FRMPD2: variants seen among roughly 807,000 people sequenced by gnomAD.
The protein encoded by FRMPD2 is FERM and PDZ domain-containing protein 2.
FRMPD2 carries 96 observed loss-of-function variants against 140.1 expected under a neutral mutation model. The ratio of observed to expected loss-of-function variants is 0.69; its 90% CI spans 0.58 to 0.81. The LOEUF is 0.81. Among genes scored for constraint, FRMPD2 ranks in the 40% least tolerant of loss-of-function variants. The pLI is 0.00. For synonymous variants in FRMPD2, 449 were observed against 547.6 expected, an observed-to-expected ratio of 0.82 and a Z score of 2.52; for missense variants, 1,240 against 1,447.4, an observed-to-expected ratio of 0.86 and a Z score of 2.32.
chr10:48,242,039 A>T, intron 5 of FRMPD2, 122 bp downstream of exon 5: 1 of 690,738 alleles, frequency 1.4e-6, no homozygotes, highest in South Asian at 2.7e-5. Context: ...GAAATGTGAC[A>T]GATGTGACTG....
chr10:48,184,987 G>A lies in FRMPD2; in HGVS notation c.2360-106C>T, dbSNP rs868632670. The A allele has an allele frequency of 1.5e-5, 11 of 738,686 alleles. No homozygotes were observed. In the Middle Eastern group the frequency reaches 2.0e-3, roughly 135 times the overall value. The allele number at this position is 738,686 out of a possible 1,614,324, so 45.8% of individuals were successfully genotyped here. On this transcript the variant is annotated intron_variant, in intron 18 of 28. Coordinates refer to ENST00000374201, the MANE Select transcript of FRMPD2 (RefSeq NM_001018071.4). ...ATCACACAGCTACCAAGTGGCATTA[G>A]CTGATAGTTACAGTCAGGTCTTCTG...
chr10:48,160,875 AG>A (rs1837919307), intron 28 of FRMPD2, among the ~76,000 whole-genome samples: 1 of 149,138 alleles, frequency 6.7e-6, no homozygotes, highest in African/African-American at 2.5e-5. Flanking sequence ...TTCTTCCTGT[AG>A]GGGGCAGCCA....
intron 23 of FRMPD2, among the ~76,000 whole-genome samples, 199 bp downstream of exon 23, chr10:48,175,647 C>T (rs1222044754): frequency 1.2e-4 from 18 of 151,946 alleles, no homozygotes; most frequent in Admixed American, 7.2e-4. Context: ...CCACTGCAGA[C>T]CCCCCAACCT....
chr10:48,239,733 G>A (rs758205269), intron 6 of FRMPD2, 41 bp from the exon 7 acceptor site: 2 of 1,468,966 alleles, frequency 1.4e-6, no homozygotes, highest in Non-Finnish European at 1.9e-6. Flanking sequence ...CAGAAGCCAA[G>A]ATCACGGCTT....
chr10:48,214,792 C>A (rs1347788395), intron 12 of FRMPD2, among the ~76,000 whole-genome samples: 1 of 152,156 alleles, frequency 6.6e-6, no homozygotes. Flanking sequence ...TTATCACTTA[C>A]ATGGTGCTAC....
In FRMPD2 at chr10:48,192,614, C is replaced by T. The variant is rs1838854664; in HGVS notation, c.2165+70G>A. On this transcript the variant is annotated intron_variant, in intron 16 of 28. Coordinates refer to ENST00000374201, the MANE Select transcript of FRMPD2 (RefSeq NM_001018071.4). ...TCAAAAAAAAAATAAAATAAATCTT[C>T]AGTACAGATCACTGCAAACCATCAA... 5.3e-6 allele frequency: 7 copies of T among 1,328,434 alleles called. 1 individual carries two copies. The highest frequency in any genetic ancestry group is 4.8e-5 in the South Asian group (4 of 83,870). 82.3% of individuals were successfully genotyped at this position (1,328,434 alleles called of 1,614,324 possible).
chr10:48,268,137 A>G (rs566274590), intron 1 of FRMPD2, among the ~76,000 whole-genome samples: 1 of 152,328 alleles, frequency 6.6e-6, no homozygotes, highest in African/African-American at 2.4e-5. Flanking sequence ...CAAGATGTTC[A>G]ACATCACTGG....
intron 3 of FRMPD2, 72 bp downstream of exon 3, chr10:48,248,949 G>T: frequency 1.4e-6 from 2 of 1,386,060 alleles, no homozygotes; most frequent in Non-Finnish European, 2.0e-6. Context: ...TGGGAGCTGG[G>T]GAGGCTGCCG....
intron 4 of FRMPD2, among the ~76,000 whole-genome samples, chr10:48,242,879 G>A (rs1840157901): frequency 1.3e-5 from 2 of 152,206 alleles, no homozygotes; most frequent in African/African-American, 4.8e-5. Context: ...TTTATGTCAC[G>A]TGTACACATC....
intron 10 of FRMPD2, among the ~76,000 whole-genome samples, chr10:48,224,536 C>T (rs1006952644): frequency 6.6e-6 from 1 of 152,226 alleles, no homozygotes; most frequent in African/African-American, 2.4e-5. Flanking sequence ...TGCCTCTGCC[C>T]TTACTGCTGA....
At chr10:48,194,771 G>T (rs377012486) in intron 15 of FRMPD2, among the ~76,000 whole-genome samples, 1 of 152,200 alleles carries the variant, frequency 6.6e-6, no homozygotes, top group Admixed American at 6.5e-5. Flanking sequence ...TCAGCCTACA[G>T]CTGTGGGCTG....
intron 16 of FRMPD2, among the ~76,000 whole-genome samples, chr10:48,190,427 T>G (rs567083733): frequency 6.6e-6 from 1 of 152,224 alleles, no homozygotes; most frequent in Non-Finnish European, 1.5e-5. Flanking sequence ...AGGAGGCCTC[T>G]GCACACCTCT....
At position 48,208,197 on chromosome 10, in the gene FRMPD2, C is replaced by T. The variant is rs540496868; in HGVS notation, c.1612-1264G>A. ...GGGCCACCACAAGATAATAGGCAGACGCTTTTAAAGAATTTGGTGTGATAT... is the reference window on the plus strand; with the variant it reads ...GGGCCACCACAAGATAATAGGCAGATGCTTTTAAAGAATTTGGTGTGATAT... On this transcript the variant is annotated intron_variant, in intron 13 of 28. Coordinates refer to ENST00000374201, the MANE Select transcript of FRMPD2 (RefSeq NM_001018071.4). Among the ~76,000 whole-genome samples, 25 of 152,206 alleles carry T rather than the reference C, an allele frequency of 1.6e-4. No individual in the cohort carries two copies. The South Asian group carries it at 1.7e-3, about 10-fold the overall frequency.
chr10:48,250,198 G>A (rs1368045692), intron 2 of FRMPD2, among the ~76,000 whole-genome samples: 1 of 152,046 alleles, frequency 6.6e-6, no homozygotes, highest in Non-Finnish European at 1.5e-5. Context: ...CTCCCTACCT[G>A]GCCACCGGTG....
chr10:48,249,288 T>G, intron 2 of FRMPD2, 110 bp from the exon 3 acceptor site: 1 of 973,936 alleles, frequency 1.0e-6, no homozygotes, highest in Non-Finnish European at 1.5e-6. Flanking sequence ...GGACTGAATG[T>G]GAGCAAGACC....
At chr10:48,251,777 G>A in intron 1 of FRMPD2, 86 bp from the exon 2 acceptor site, 1 of 1,510,160 alleles carries the variant, frequency 6.6e-7, no homozygotes, top group African/African-American at 1.4e-5. Context: ...GTGCAGCCAG[G>A]CATGGTCTGG....
chr10:48,232,384 T>C, intron 9 of FRMPD2, 95 bp from the exon 10 acceptor site: 1 of 829,038 alleles, frequency 1.2e-6, no homozygotes, highest in Non-Finnish European at 1.9e-6. Context: ...ACACACATTG[T>C]CTCATTTAAT....
chr10:48,242,629 A>G (rs1219645662), intron 4 of FRMPD2, among the ~76,000 whole-genome samples: 1 of 152,264 alleles, frequency 6.6e-6, no homozygotes, highest in Non-Finnish European at 1.5e-5. Context: ...ATGCTCATGA[A>G]AACTAGATGC....
intron 15 of FRMPD2, 121 bp from the exon 16 acceptor site, chr10:48,193,015 C>T: frequency 1.4e-6 from 1 of 729,710 alleles, no homozygotes. Context: ...TTTTCTGCTG[C>T]TATTTTGTCT....
Sources: allele counts gnomAD v4.1 joint callset (sites outside exome capture counted in the v4.1 genomes callset), GRCh38; gene constraint gnomAD v4.1.1; transcripts MANE v1.5; gene names NCBI Gene and HGNC (gene_info 2026-07-23, HGNC 2026-07-21).